PUM1: variants seen among roughly 807,000 people sequenced by gnomAD.
PUM1 encodes the protein pumilio homolog 1.
PUM1 carries 13 observed loss-of-function variants against 131.8 expected under a neutral mutation model. That is an observed-to-expected ratio of 0.10 (90% CI 0.06 to 0.16). The LOEUF (loss-of-function observed/expected upper bound fraction) is 0.16. PUM1 is among the 10% of genes least tolerant of loss of function. PUM1 has a pLI of 1.00. For missense variants in PUM1, 961 were observed against 1,512.4 expected (o/e 0.64, Z 6.05); for synonymous variants, 509 against 556.5 (o/e 0.91, Z 1.20).
At chr1:31,008,517 G>A (rs1010754825) in intron 3 of PUM1, among the ~76,000 whole-genome samples, 2 of 152,082 alleles carry the variant, frequency 1.3e-5, no homozygotes, top group Non-Finnish European at 1.5e-5. Flanking sequence ...GGGCATTTGG[G>A]GGAGGGTGAG....
chr1:30,944,113 C>T (rs1348950191), intron 18 of PUM1, among the ~76,000 whole-genome samples: 1 of 152,114 alleles, frequency 6.6e-6, no homozygotes, highest in Non-Finnish European at 1.5e-5. Context: ...GTAAACAGAT[C>T]TACCCTTTTT....
intron 17 of PUM1, among the ~76,000 whole-genome samples, chr1:30,946,529 C>T (rs908317231): frequency 2.0e-5 from 3 of 150,264 alleles, no homozygotes; most frequent in Non-Finnish European, 3.0e-5. Context: ...CTCAGCTACT[C>T]GGGAGGCTGA....
intron 17 of PUM1, among the ~76,000 whole-genome samples, chr1:30,946,561 G>A (rs980274128): frequency 9.3e-5 from 14 of 150,560 alleles, no homozygotes; most frequent in East Asian, 5.9e-4. Context: ...TTCTTGAACC[G>A]TGGAGGCGGA....
At chr1:30,936,907 T>C in intron 20 of PUM1, 72 bp from the exon 21 acceptor site, 2 of 1,355,368 alleles carry the variant, frequency 1.5e-6, no homozygotes, top group Non-Finnish European at 2.0e-6. Context: ...CTTGCCTAGC[T>C]TCTGCCCTGA....
At chr1:31,039,511 C>A (rs2124567197) in intron 2 of PUM1, among the ~76,000 whole-genome samples, 1 of 152,278 alleles carries the variant, frequency 6.6e-6, no homozygotes, top group Non-Finnish European at 1.5e-5. Flanking sequence ...GCATGAGCCA[C>A]TGCACCCAGC....
intron 2 of PUM1, among the ~76,000 whole-genome samples, chr1:31,054,728 C>T (rs1033560608): frequency 6.6e-6 from 1 of 152,086 alleles, no homozygotes; most frequent in Non-Finnish European, 1.5e-5. Context: ...GAGTTGGGGG[C>T]AAGTACTCCT....
chr1:30,942,035 A>G lies in PUM1; in HGVS notation c.3083T>C (p.Leu1028Ser), dbSNP rs1175572698. ...HCLPDQTLPI[L>S]EELHQHTEQL... is the part of the protein sequence containing the mutation. ...CTCTGTGTGCTGGTGAAGCTCCTCT[A>G]AAATAGGGAGTGTCTGGTCAGGGAG... Residue 1028 changes from leucine (L) to serine (S), a missense_variant, in exon 19 of 22, where the codon TTA becomes TCA. Physicochemically the swap from Leu to Ser is moderately radical, Grantham distance 145. Coordinates refer to ENST00000426105, the MANE Select transcript of PUM1 (RefSeq NM_001020658.2). 12 of 1,594,338 alleles carry G rather than the reference A, an allele frequency of 7.5e-6. No homozygotes were observed. The highest frequency in any genetic ancestry group is 1.0e-5 in the Non-Finnish European group (12 of 1,167,948).
chr1:30,962,860 T>C (rs774375926), intron 14 of PUM1, among the ~76,000 whole-genome samples: 4 of 152,196 alleles, frequency 2.6e-5, no homozygotes, highest in Non-Finnish European at 5.9e-5. Flanking sequence ...ACATTTACTA[T>C]CTGGCTCTTT....
At chr1:30,952,481 C>A in intron 15 of PUM1, 118 bp from the exon 16 acceptor site, 2 of 1,444,532 alleles carry the variant, frequency 1.4e-6, no homozygotes, top group Non-Finnish European at 1.9e-6. Flanking sequence ...CATGTGTGCA[C>A]ACACATGCAC....
At chr1:30,933,431 C>CACACACAT (rs1193833434) in intron 21 of PUM1, 89 bp from the exon 22 acceptor site, 4 of 850,136 alleles carry the variant, frequency 4.7e-6, no homozygotes, top group East Asian at 2.7e-5. Flanking sequence ...TCATGCATCA[C>CACACACAT]ACACACATAC....
chr1:31,065,312 C>A (rs1159468295), intron 1 of PUM1, among the ~76,000 whole-genome samples: 1 of 152,142 alleles, frequency 6.6e-6, no homozygotes, highest in African/African-American at 2.4e-5. Flanking sequence ...CGGTGGTTCC[C>A]AACAGGGCCA....
At chr1:31,033,326 T>C (rs1333590588) in intron 2 of PUM1, among the ~76,000 whole-genome samples, 2 of 147,102 alleles carry the variant, frequency 1.4e-5, no homozygotes, top group Non-Finnish European at 3.0e-5. Context: ...CATCTCAGCC[T>C]CCTGAGCAGC....
intron 3 of PUM1, among the ~76,000 whole-genome samples, chr1:31,025,337 G>C (rs1265693056): frequency 2.0e-5 from 3 of 152,042 alleles, no homozygotes; most frequent in Admixed American, 6.6e-5. Context: ...ACTTTGAATG[G>C]AACCAATTCT....
chr1:31,003,282 T>A (rs1344222399), intron 5 of PUM1, among the ~76,000 whole-genome samples: 5 of 152,194 alleles, frequency 3.3e-5, no homozygotes, highest in African/African-American at 4.8e-5. Flanking sequence ...ACACTTTAAA[T>A]GACAGACTAG....
At chr1:31,065,181 A>C (rs1393088016) in intron 1 of PUM1, among the ~76,000 whole-genome samples, 1 of 152,168 alleles carries the variant, frequency 6.6e-6, no homozygotes, top group Non-Finnish European at 1.5e-5. Context: ...CGGCGCTGCC[A>C]CGGAAGCTCA....
intron 2 of PUM1, among the ~76,000 whole-genome samples, chr1:31,031,214 T>C (rs12041822): frequency 0.22 from 32,917 of 152,070 alleles, 3,996 homozygotes; most frequent in East Asian, 0.54. Context: ...AGCATGTAAA[T>C]CAAATGCACA....
chr1:31,015,352 T>TC (rs1484773629), intron 3 of PUM1, among the ~76,000 whole-genome samples: 6 of 152,068 alleles, frequency 3.9e-5, no homozygotes, highest in African/African-American at 1.4e-4. Context: ...TTTTTCTTTT[T>TC]TTTTTTTGAG....
chr1:31,054,887 G>C (rs1644202160), intron 2 of PUM1, among the ~76,000 whole-genome samples: 1 of 152,062 alleles, frequency 6.6e-6, no homozygotes, highest in Non-Finnish European at 1.5e-5. Flanking sequence ...TCTTGCCTAG[G>C]GAAGCAGAAA....
At chr1:31,059,972 G>C (rs1260539991) in intron 1 of PUM1, among the ~76,000 whole-genome samples, 1 of 151,384 alleles carries the variant, frequency 6.6e-6, no homozygotes, top group African/African-American at 2.4e-5. Flanking sequence ...TCAGCCTCCT[G>C]AGTAGCTGGT....
Sources: allele counts gnomAD v4.1 joint callset (sites outside exome capture counted in the v4.1 genomes callset), GRCh38; gene constraint gnomAD v4.1.1; transcripts MANE v1.5; gene names NCBI Gene and HGNC (gene_info 2026-07-23, HGNC 2026-07-21).